The following DENND1B variants were observed in gnomAD, a reference collection of about 807,000 sequenced individuals.
DENND1B encodes the protein DENN domain-containing protein 1B.
Under a neutral mutation model 90.1 loss-of-function variants are expected in DENND1B, and 59 were observed. The observed-to-expected ratio is 0.65, with a 90% CI of 0.53 to 0.81. The LOEUF (loss-of-function observed/expected upper bound fraction) is 0.81, where lower values mean the gene tolerates loss of function less well. Among genes scored for constraint, DENND1B ranks in the 40% least tolerant of loss-of-function variants. The probability of loss-of-function intolerance (pLI) is 0.00; values close to 1 mark genes in which losing one functional copy is unlikely to be tolerated. For missense variants in DENND1B, 862 were observed against 912.6 expected (o/e 0.94, Z 0.71); for synonymous variants, 337 against 324.6 (o/e 1.04, Z -0.41).
chr1:197,768,196 TCTC>T (rs1021722913), intron 2 of DENND1B, among the ~76,000 whole-genome samples: 36 of 145,342 alleles, frequency 2.5e-4, no homozygotes, highest in African/African-American at 7.2e-4. Context: ...TCCTCCTCCT[TCTC>T]CTCCTCCTCT....
At position 197,510,315 on chromosome 1, in the gene DENND1B, T is replaced by C. The variant is rs1387004456; in HGVS notation, c.*145A>G. 20 of 895,052 alleles carry C rather than the reference T, an allele frequency of 2.2e-5. No individual in the cohort carries two copies. Among genetic ancestry groups the C allele is most frequent in the Non-Finnish European group, 3.3e-6 (2 of 613,228 alleles). The allele number at this position is 895,052 out of a possible 1,614,324, so 55.4% of individuals were successfully genotyped here. A position where few individuals can be genotyped will look rare whatever the true frequency, so the allele number is the denominator to read the frequency against. On this transcript the variant is annotated 3_prime_UTR_variant, in exon 23 of 23. Coordinates refer to ENST00000620048, the MANE Select transcript of DENND1B (RefSeq NM_001195215.2). ...TTTAAAAATCAATGCATTTCATATA[T>C]CCTCGAAATGAACAAGTGAGAAAAA... is the stretch of plus-strand genomic sequence containing the variant.
chr1:197,537,482 G>C (rs1669996323), intron 20 of DENND1B, among the ~76,000 whole-genome samples: 1 of 152,030 alleles, frequency 6.6e-6, no homozygotes, highest in Non-Finnish European at 1.5e-5. Context: ...TTCTCTATCA[G>C]AATGTACAGT....
intron 3 of DENND1B, among the ~76,000 whole-genome samples, chr1:197,676,296 T>C (rs996670543): frequency 6.6e-6 from 1 of 152,040 alleles, no homozygotes; most frequent in Non-Finnish European, 1.5e-5. Context: ...AGGCATAAAA[T>C]GCATGCAAAT....
chr1:197,573,228 T>C (rs1390990900), intron 15 of DENND1B, among the ~76,000 whole-genome samples: 1 of 152,132 alleles, frequency 6.6e-6, no homozygotes, highest in African/African-American at 2.4e-5. Context: ...TTAATTGTGA[T>C]GTTAGGGTGT....
intron 3 of DENND1B, among the ~76,000 whole-genome samples, chr1:197,694,872 G>GA (rs997699497): frequency 6.6e-6 from 1 of 151,156 alleles, no homozygotes; most frequent in African/African-American, 2.4e-5. Context: ...CCCTTCAACA[G>GA]AAAAATAAGG....
intron 13 of DENND1B, among the ~76,000 whole-genome samples, chr1:197,599,626 A>G (rs751102261): frequency 7.1e-4 from 108 of 151,976 alleles, no homozygotes; most frequent in Middle Eastern, 6.9e-3. Context: ...CATGAATTAG[A>G]TATTAAATCC....
At chr1:197,657,788 A>G (rs1268834954) in intron 6 of DENND1B, among the ~76,000 whole-genome samples, 2 of 152,168 alleles carry the variant, frequency 1.3e-5, no homozygotes, top group African/African-American at 2.4e-5. Flanking sequence ...GGGCTGGAAC[A>G]TTATTTGTAC....
intron 2 of DENND1B, chr1:197,734,437 T>A: frequency 1.0e-6 from 1 of 984,914 alleles, no homozygotes; most frequent in Non-Finnish European, 1.2e-6. Context: ...TTTAAACCAA[T>A]AGCAACAACA....
chr1:197,622,672 T>G (rs774360855), intron 10 of DENND1B, among the ~76,000 whole-genome samples: 4 of 151,140 alleles, frequency 2.6e-5, no homozygotes, highest in Non-Finnish European at 5.9e-5. Context: ...TAAAACAGAC[T>G]CTCCCAGAAA....
intron 15 of DENND1B, among the ~76,000 whole-genome samples, chr1:197,580,982 T>C (rs1274334180): frequency 6.6e-6 from 1 of 152,176 alleles, no homozygotes; most frequent in African/African-American, 2.4e-5. Context: ...ACTCTTTCCT[T>C]AAAATTATAT....
At chr1:197,551,611 C>T (rs970168181) in intron 16 of DENND1B, among the ~76,000 whole-genome samples, 1 of 152,100 alleles carries the variant, frequency 6.6e-6, no homozygotes, top group Non-Finnish European at 1.5e-5. Context: ...GTTAAGACTA[C>T]AGAATTTAAC....
At chr1:197,679,038 T>G (rs1164572146) in intron 3 of DENND1B, among the ~76,000 whole-genome samples, 1 of 152,078 alleles carries the variant, frequency 6.6e-6, no homozygotes, top group Non-Finnish European at 1.5e-5. Context: ...TAAAACTACA[T>G]AGGTTATTAA....
chr1:197,606,871 T>C (rs1056594326), intron 13 of DENND1B: 19 of 480,288 alleles, frequency 4.0e-5, no homozygotes, highest in African/African-American at 3.9e-4. Context: ...ACTTTTACAA[T>C]AAGGAATATG....
intron 3 of DENND1B, among the ~76,000 whole-genome samples, chr1:197,682,073 CT>C (rs1367988792): frequency 6.6e-6 from 1 of 150,980 alleles, no homozygotes; most frequent in Admixed American, 6.6e-5. Flanking sequence ...AGATAGGACT[CT>C]TGTGGTTTAT....
chr1:197,529,241 T>C (rs1669410761), intron 20 of DENND1B, among the ~76,000 whole-genome samples: 2 of 8,374 alleles, frequency 2.4e-4, no homozygotes. Context: ...TATATATATA[T>C]ATGTGTGTGT....
chr1:197,647,019 T>C lies in DENND1B; in HGVS notation c.507+36A>G, dbSNP rs1173526635. 5 of 1,426,320 alleles carry C rather than the reference T, an allele frequency of 3.5e-6. No homozygotes were observed. In the South Asian group the frequency reaches 4.6e-5, roughly 13 times the overall value. 88.4% of individuals were successfully genotyped at this position (1,426,320 alleles called of 1,614,324 possible). On this transcript the variant is annotated intron_variant, in intron 8 of 22. Coordinates refer to ENST00000620048, the MANE Select transcript of DENND1B (RefSeq NM_001195215.2). The stretch of plus-strand genomic sequence containing the variant: ...ATAAGTGATTATTTTTCCTATTTAA[T>C]AGTGATTTTTAGAAGCCAATGTCCT...
At chr1:197,698,716 T>C (rs1003605455) in intron 3 of DENND1B, among the ~76,000 whole-genome samples, 2 of 151,508 alleles carry the variant, frequency 1.3e-5, no homozygotes, top group African/African-American at 4.9e-5. Flanking sequence ...CAATGAAAAA[T>C]GATAATGGGG....
intron 20 of DENND1B, among the ~76,000 whole-genome samples, chr1:197,522,708 A>T (rs1668859887): frequency 6.6e-6 from 1 of 152,132 alleles, no homozygotes; most frequent in South Asian, 2.1e-4. Context: ...TAATCTTTTT[A>T]AAAAATCATA....
intron 3 of DENND1B, among the ~76,000 whole-genome samples, chr1:197,698,886 C>G (rs1485590607): frequency 6.6e-6 from 1 of 152,070 alleles, no homozygotes; most frequent in Non-Finnish European, 1.5e-5. Context: ...CTGAATACAC[C>G]AATAACAAGT....
Sources: gnomAD v4.1 joint callset for allele counts (sites outside exome capture counted in the v4.1 genomes callset) on GRCh38, gnomAD v4.1.1 for gene constraint, MANE v1.5 for transcripts, NCBI Gene and HGNC (gene_info 2026-07-23, HGNC 2026-07-21) for gene names.